GMDS: variants seen among roughly 807,000 people sequenced by gnomAD.
GMDS encodes GDP-mannose 4,6-dehydratase.
GMDS carries 20 observed loss-of-function variants against 49.9 expected under a neutral mutation model. The ratio of observed to expected loss-of-function variants is 0.40; its 90% confidence interval spans 0.28 to 0.58. GMDS has a LOEUF of 0.58. GMDS is among the 20% of genes least tolerant of loss of function. GMDS has a pLI of 0.42. For missense variants in GMDS, 362 were observed against 481.4 expected, an observed-to-expected ratio of 0.75 and a Z score of 2.32; for synonymous variants, 177 against 178.6, an observed-to-expected ratio of 0.99 and a Z score of 0.07.
At chr6:1,728,891 C>CT (rs1480606347) in intron 8 of GMDS, among the ~76,000 whole-genome samples, 2 of 151,310 alleles carry the variant, frequency 1.3e-5, no homozygotes, top group Non-Finnish European at 2.9e-5. Context: ...TTATTTTCTT[C>CT]TTTTTTTAAA....
intron 1 of GMDS, among the ~76,000 whole-genome samples, chr6:2,158,554 A>G (rs1392333018): frequency 6.6e-6 from 1 of 152,262 alleles, no homozygotes; most frequent in East Asian, 1.9e-4. Flanking sequence ...GTTTCAGAAG[A>G]CATCAAAATA....
chr6:2,217,117 ACTGTAAG>A (rs1780379096), intron 1 of GMDS, among the ~76,000 whole-genome samples: 1 of 152,142 alleles, frequency 6.6e-6, no homozygotes, highest in African/African-American at 2.4e-5. Context: ...ACAGCTCTCA[ACTGTAAG>A]CATCAGGTAA....
intron 8 of GMDS, among the ~76,000 whole-genome samples, chr6:1,728,221 CATT>C (rs1257913532): frequency 6.6e-6 from 1 of 152,026 alleles, no homozygotes; most frequent in Non-Finnish European, 1.5e-5. Context: ...TTGGTTAAGT[CATT>C]ATTATTATTT....
chr6:1,664,871 A>C (rs1764190399), intron 9 of GMDS, among the ~76,000 whole-genome samples: 1 of 152,220 alleles, frequency 6.6e-6, no homozygotes, highest in Non-Finnish European at 1.5e-5. Flanking sequence ...CTAAAGTTAG[A>C]AGCGTCCTAA....
intron 1 of GMDS, among the ~76,000 whole-genome samples, chr6:2,194,403 G>C (rs533897054): frequency 6.6e-6 from 1 of 152,242 alleles, no homozygotes; most frequent in African/African-American, 2.4e-5. Context: ...CTTAAAGGTC[G>C]ATTCCTCATG....
At chr6:1,906,766 C>T (rs1760798360) in intron 7 of GMDS, among the ~76,000 whole-genome samples, 1 of 152,164 alleles carries the variant, frequency 6.6e-6, no homozygotes, top group Non-Finnish European at 1.5e-5. Context: ...AGTAGGAGCT[C>T]TCCCATCTGG....
intron 7 of GMDS, among the ~76,000 whole-genome samples, chr6:1,762,404 C>G (rs971529546): frequency 6.6e-6 from 1 of 152,256 alleles, no homozygotes; most frequent in Non-Finnish European, 1.5e-5. Flanking sequence ...CAGGAGTGAG[C>G]AGTCCCAGAG....
At chr6:1,724,830 C>T (rs1012835540) in intron 9 of GMDS, among the ~76,000 whole-genome samples, 1 of 152,194 alleles carries the variant, frequency 6.6e-6, no homozygotes, top group Admixed American at 6.5e-5. Context: ...ACCCACTCTC[C>T]ATTAGCACCG....
intron 7 of GMDS, among the ~76,000 whole-genome samples, chr6:1,757,256 C>G: frequency 6.6e-6 from 1 of 152,184 alleles, no homozygotes; most frequent in Non-Finnish European, 1.5e-5. Flanking sequence ...TTTCAGGTCA[C>G]TCTAATCTAA....
At chr6:1,869,567 A>G (rs1027585165) in intron 7 of GMDS, among the ~76,000 whole-genome samples, 5 of 152,248 alleles carry the variant, frequency 3.3e-5, no homozygotes, top group African/African-American at 4.8e-5. Flanking sequence ...GTTGATCTGC[A>G]TAAGAACCAC....
chr6:1,875,612 C>A (rs1759003613), intron 7 of GMDS, among the ~76,000 whole-genome samples: 1 of 152,084 alleles, frequency 6.6e-6, no homozygotes, highest in Non-Finnish European at 1.5e-5. Context: ...TCTTGTATGT[C>A]AAGATGTTTT....
At position 2,123,755 on chromosome 6, in the gene GMDS, G is replaced by A. The variant is rs988292561; in HGVS notation, c.147+932C>T. Among the ~76,000 whole-genome samples the A allele has an allele frequency of 1.0e-3, 157 of 152,272 alleles. 1 individual carries two copies. The highest frequency in any genetic ancestry group is 3.6e-3 in the African/African-American group (149 of 41,546). ...ATTTATTTTCATATAATTACAAAAT[G>A]TAGCATTAGCTCTTGGATAAGGGTA... On this transcript the variant is annotated intron_variant, in intron 2 of 10. Coordinates refer to ENST00000380815, the MANE Select transcript of GMDS (RefSeq NM_001500.4).
At position 2,094,773 on chromosome 6, in the gene GMDS, C is replaced by G. The variant is rs572572716; in HGVS notation, c.345+20998G>C. ...GCCCAAATACAGATCAGGCTCCTAG[C>G]AAAGGCAGTCATACGGAAGCACACA... On this transcript the variant is annotated intron_variant, in intron 4 of 10. Coordinates refer to ENST00000380815, the MANE Select transcript of GMDS (RefSeq NM_001500.4). Among the ~76,000 whole-genome samples, 5 of 152,258 alleles carry G rather than the reference C, an allele frequency of 3.3e-5. No individual in the cohort carries two copies. In the East Asian group the frequency reaches 7.7e-4, roughly 24 times the overall value.
At position 1,790,457 on chromosome 6, in the gene GMDS, T is replaced by C. The variant is rs1040921605; in HGVS notation, c.772-47871A>G. Among the ~76,000 whole-genome samples, 6 of 152,244 alleles carry C rather than the reference T, an allele frequency of 3.9e-5. No homozygotes were observed. In the East Asian group the frequency reaches 1.2e-3, roughly 29 times the overall value. ...GTTCAGATTCACACAGAAAGTGAAG[T>C]TGGCTTTTAAAACTCTTTGACTCTA... On this transcript the variant is annotated intron_variant, in intron 7 of 10. Transcript: ENST00000380815.
intron 7 of GMDS, among the ~76,000 whole-genome samples, chr6:1,919,218 A>T (rs1761584263): frequency 6.6e-6 from 1 of 152,178 alleles, no homozygotes; most frequent in African/African-American, 2.4e-5. Flanking sequence ...CCGACATGAG[A>T]TAGCTAACAA....
chr6:1,812,065 C>T (rs568514922), intron 7 of GMDS, among the ~76,000 whole-genome samples: 2 of 152,218 alleles, frequency 1.3e-5, no homozygotes, highest in Admixed American at 1.3e-4. Flanking sequence ...CTAATAAATG[C>T]TAAATACAGA....
chr6:2,047,628 A>G (rs1440752847), intron 4 of GMDS, among the ~76,000 whole-genome samples: 1 of 151,988 alleles, frequency 6.6e-6, no homozygotes. Flanking sequence ...AGCTGGGATT[A>G]CAGGTGTGCA....
intron 8 of GMDS, among the ~76,000 whole-genome samples, chr6:1,740,762 T>G (rs1767238270): frequency 6.6e-6 from 1 of 152,096 alleles, no homozygotes. Context: ...ATAACCAAAT[T>G]ACACTTCAAA....
chr6:1,667,974 C>A (rs577736540), intron 9 of GMDS, among the ~76,000 whole-genome samples: 2 of 152,170 alleles, frequency 1.3e-5, no homozygotes, highest in Non-Finnish European at 2.9e-5. Context: ...ACATCACATG[C>A]GGCTGACATC....
Sources: gnomAD v4.1 joint callset for allele counts (sites outside exome capture counted in the v4.1 genomes callset) on GRCh38, gnomAD v4.1.1 for gene constraint, MANE v1.5 for transcripts, NCBI Gene and HGNC (gene_info 2026-07-23, HGNC 2026-07-21) for gene names.